The following MTHFD1 variants were observed in gnomAD, a reference collection of about 807,000 sequenced individuals.
The protein encoded by MTHFD1 is C-1-tetrahydrofolate synthase, cytoplasmic.
MTHFD1 carries 44 observed loss-of-function variants against 110.3 expected under a neutral mutation model. That is an observed-to-expected ratio of 0.40 (90% confidence interval 0.31 to 0.51). The LOEUF is 0.51. Among genes scored for constraint, MTHFD1 ranks in the 20% least tolerant of loss-of-function variants. The probability of loss-of-function intolerance (pLI) is 0.60; values close to 1 mark genes in which losing one functional copy is unlikely to be tolerated. For missense variants in MTHFD1, 909 were observed against 1,173.1 expected, an observed-to-expected ratio of 0.77 and a Z score of 3.29; for synonymous variants, 402 against 428.8, an observed-to-expected ratio of 0.94 and a Z score of 0.77.
rs779871054 is a variant in MTHFD1, at chr14:64,458,335, C to A, written c.*4+28C>A. 7 of 1,421,918 alleles carry A rather than the reference C, an allele frequency of 4.9e-6. No individual in the cohort carries two copies. In the South Asian group the frequency reaches 8.0e-5, roughly 16 times the overall value. The allele number at this position is 1,421,918 out of a possible 1,614,324, so 88.1% of individuals were successfully genotyped here. A position where few individuals can be genotyped will look rare whatever the true frequency, so the allele number is the denominator to read the frequency against. Reference sequence around the variant, plus strand: ...AAGTTGTTACTGGGTAATAATTTGGCTTTTTTCCTCATGTAGCTTATTTAT... The same window carrying A: ...AAGTTGTTACTGGGTAATAATTTGGATTTTTTCCTCATGTAGCTTATTTAT... On this transcript the variant is annotated intron_variant, in intron 27 of 27. Transcript: ENST00000652337.
In MTHFD1 at chr14:64,441,413, T is replaced by C. The variant is rs200373818; in HGVS notation, c.1844T>C (p.Met615Thr). 31 of 1,614,120 alleles carry C rather than the reference T, an allele frequency of 1.9e-5. No individual in the cohort carries two copies. The highest frequency in any genetic ancestry group is 2.4e-5 in the Non-Finnish European group (28 of 1,179,988). The change falls in exon 19 of 28, where the codon ATG becomes ACG. Residue 615 changes from methionine to threonine, a missense_variant. This residue lies in a region of MTHFD1 where 482 missense variants were observed against 646.0 expected (regional missense o/e 0.75). Coordinates refer to ENST00000652337, the MANE Select transcript of MTHFD1 (RefSeq NM_005956.4). ...GTGAGTGGTGCACTGACAGTGCTTA[T>C]GAAGGACGCAATCAAGCCCAATCTC... The part of the protein sequence containing the change: ...LGVSGALTVL[M>T]KDAIKPNLMQ...
intron 27 of MTHFD1, 107 bp from the exon 28 acceptor site, chr14:64,459,652 G>A (rs1220639463): frequency 1.0e-6 from 1 of 959,062 alleles, no homozygotes; most frequent in Admixed American, 2.8e-5. Flanking sequence ...GGATGTAAAT[G>A]TTAACAGCTT....
chr14:64,448,804 T>TC (rs1244628166), intron 23 of MTHFD1, among the ~76,000 whole-genome samples: 1 of 148,440 alleles, frequency 6.7e-6, no homozygotes, highest in Non-Finnish European at 1.5e-5. Flanking sequence ...CAAAAAATCT[T>TC]TTTTTTTTTT....
chr14:64,424,833 G>A lies in MTHFD1; in HGVS notation c.757G>A (p.Val253Met). ...TAAAAAACCAAATGGGAGAAAAGTTGTGGGTGATGTGGCATACGACGAGGC... is the reference window on the plus strand; with the variant it reads ...TAAAAAACCAAATGGGAGAAAAGTTATGGGTGATGTGGCATACGACGAGGC... ...DDKKPNGRKV[V>M]GDVAYDEAKE... The change falls in exon 9 of 28, where the codon GTG becomes ATG. Residue 253 changes from valine to methionine, a missense_variant. Transcript: ENST00000652337. 6.2e-7 allele frequency: 1 copy of A among 1,614,134 alleles called. No homozygotes were observed. Among genetic ancestry groups the A allele is most frequent in the Non-Finnish European group, 8.5e-7 (1 of 1,180,040 alleles).
intron 16 of MTHFD1, among the ~76,000 whole-genome samples, chr14:64,436,577 T>C (rs1453209142): frequency 6.6e-6 from 1 of 152,242 alleles, no homozygotes; most frequent in Non-Finnish European, 1.5e-5. Context: ...CAACCTTCTA[T>C]TCTGTATCAC....
chr14:64,409,679 T>C (rs1002318704), intron 2 of MTHFD1, among the ~76,000 whole-genome samples: 2 of 152,018 alleles, frequency 1.3e-5, no homozygotes, highest in African/African-American at 4.8e-5. Context: ...AAGCATCTAA[T>C]GTACTTAGAT....
In MTHFD1 at chr14:64,455,049, C is replaced by T; in HGVS notation, c.2718+174C>T. 5.9e-6 allele frequency: 4 copies of T among 677,712 alleles called. No individual in the cohort carries two copies. The South Asian group carries it at 6.7e-5, about 11-fold the overall frequency. 42.0% of individuals were successfully genotyped at this position (677,712 alleles called of 1,614,324 possible). On this transcript the variant is annotated intron_variant, in intron 26 of 27. Transcript: ENST00000652337. ...AAGCTATAAAGCAGGAGCTATATAG[C>T]TCTTGCTGTGGACCATCTTGGTGTC...
intron 27 of MTHFD1, among the ~76,000 whole-genome samples, chr14:64,458,875 G>T (rs2078518653): frequency 6.6e-6 from 1 of 152,148 alleles, no homozygotes; most frequent in Non-Finnish European, 1.5e-5. Flanking sequence ...CTCTCCTTAG[G>T]CAGACCCTTG....
intron 18 of MTHFD1, 60 bp from the exon 19 acceptor site, chr14:64,441,325 T>C: frequency 1.3e-6 from 2 of 1,505,076 alleles, no homozygotes; most frequent in Non-Finnish European, 1.9e-6. Flanking sequence ...CAAATATTGG[T>C]TTCAGAAGGT....
intron 11 of MTHFD1, among the ~76,000 whole-genome samples, chr14:64,426,520 G>C (rs1224225493): frequency 6.6e-6 from 1 of 152,100 alleles, no homozygotes; most frequent in Non-Finnish European, 1.5e-5. Flanking sequence ...GCCCAGGCTG[G>C]AGTGCAGTGG....
chr14:64,432,662 A>G (rs905726311), intron 15 of MTHFD1, among the ~76,000 whole-genome samples: 1 of 152,258 alleles, frequency 6.6e-6, no homozygotes, highest in South Asian at 2.1e-4. Context: ...AGAGAAAACT[A>G]TAGTGCTAGG....
intron 22 of MTHFD1, among the ~76,000 whole-genome samples, chr14:64,447,115 A>G (rs2078295827): frequency 7.1e-6 from 1 of 140,380 alleles, no homozygotes; most frequent in African/African-American, 2.6e-5. Flanking sequence ...AAGTACTGGG[A>G]TTACAGGTGT....
At chr14:64,424,966 A>T (rs777739664) in intron 9 of MTHFD1, 35 bp downstream of exon 9, 3 of 1,613,710 alleles carry the variant, frequency 1.9e-6, no homozygotes, top group Non-Finnish European at 1.7e-6. Context: ...AAGAGTTCTG[A>T]AAAGCTGATC....
intron 3 of MTHFD1, among the ~76,000 whole-genome samples, chr14:64,412,171 G>C (rs779806945): frequency 3.3e-5 from 5 of 152,152 alleles, no homozygotes; most frequent in South Asian, 4.1e-4. Context: ...AACCAAAAAG[G>C]GGGAGGCAGA....
intron 12 of MTHFD1, among the ~76,000 whole-genome samples, chr14:64,427,859 T>C (rs558859620): frequency 1.3e-5 from 2 of 152,376 alleles, no homozygotes; most frequent in East Asian, 3.9e-4. Flanking sequence ...CCTACCTTTA[T>C]TGAATATATG....
chr14:64,426,973 T>TA (rs2078123856), intron 11 of MTHFD1, among the ~76,000 whole-genome samples: 1 of 152,242 alleles, frequency 6.6e-6, no homozygotes, highest in Non-Finnish European at 1.5e-5. Context: ...TTTTTTTTCT[T>TA]AAAGTTTTTT....
intron 15 of MTHFD1, among the ~76,000 whole-genome samples, chr14:64,434,821 GT>G (rs34280342): frequency 1.5e-3 from 191 of 128,970 alleles, no homozygotes; most frequent in Admixed American, 2.0e-3. Context: ...GATGAATTCT[GT>G]TTTTTTTTTT....
At chr14:64,448,460 T>C (rs949913509) in intron 23 of MTHFD1, 143 bp downstream of exon 23, 4 of 731,044 alleles carry the variant, frequency 5.5e-6, no homozygotes, top group Admixed American at 2.0e-5. Context: ...GTGACAGGCA[T>C]TGCATACGTC....
chr14:64,443,600 T>G (rs1159001968), intron 21 of MTHFD1, among the ~76,000 whole-genome samples: 1 of 152,184 alleles, frequency 6.6e-6, no homozygotes, highest in African/African-American at 2.4e-5. Flanking sequence ...AATGCTGCCA[T>G]AACAACCCCA....
Sources: allele counts gnomAD v4.1 joint callset (sites outside exome capture counted in the v4.1 genomes callset), GRCh38; gene constraint gnomAD v4.1.1; regional missense constraint gnomAD v4.1.1; transcripts MANE v1.5; gene names NCBI Gene and HGNC (gene_info 2026-07-23, HGNC 2026-07-21).